The following TRAPPC9 variants were observed in gnomAD, a reference collection of about 807,000 sequenced individuals.
TRAPPC9 encodes trafficking protein particle complex subunit 9, also known as IKK2 binding protein.
In TRAPPC9, 83 loss-of-function variants were observed where a neutral mutation model predicts 124.0. The ratio of observed to expected loss-of-function variants is 0.67; its 90% CI spans 0.56 to 0.80. The LOEUF is 0.80. TRAPPC9 is among the 30% of genes least tolerant of loss of function. TRAPPC9 has a pLI of 0.00. For missense variants in TRAPPC9, 1,302 were observed against 1,508.3 expected, an observed-to-expected ratio of 0.86 and a Z score of 2.27; for synonymous variants, 638 against 617.5, an observed-to-expected ratio of 1.03 and a Z score of -0.49.
intron 17 of TRAPPC9, among the ~76,000 whole-genome samples, chr8:140,043,800 G>A (rs1220032795): frequency 6.6e-6 from 1 of 152,192 alleles, no homozygotes; most frequent in Non-Finnish European, 1.5e-5. Context: ...GAAATGGGGC[G>A]ATACAGGCAA....
intron 21 of TRAPPC9, among the ~76,000 whole-genome samples, chr8:139,773,210 G>C (rs577688711): frequency 2.6e-5 from 4 of 152,248 alleles, no homozygotes; most frequent in Admixed American, 2.6e-4. Flanking sequence ...GACGCCTGGC[G>C]CGCCCAGGTC....
At chr8:139,919,884 C>CA (rs1832402111) in intron 19 of TRAPPC9, among the ~76,000 whole-genome samples, 1 of 152,226 alleles carries the variant, frequency 6.6e-6, no homozygotes, top group Non-Finnish European at 1.5e-5. Context: ...ATGACCCGCT[C>CA]AGACTCCAGG....
intron 7 of TRAPPC9, among the ~76,000 whole-genome samples, chr8:140,387,965 G>A (rs2132328122): frequency 6.6e-6 from 1 of 152,086 alleles, no homozygotes; most frequent in East Asian, 1.9e-4. Context: ...CAGAGACTCG[G>A]AACCAACCCA....
chr8:139,821,207 G>C (rs1825228592), intron 21 of TRAPPC9, among the ~76,000 whole-genome samples: 1 of 152,218 alleles, frequency 6.6e-6, no homozygotes, highest in African/African-American at 2.4e-5. Flanking sequence ...CATGATCAAA[G>C]AAACACATGA....
chr8:140,076,547 C>T (rs1843522191), intron 17 of TRAPPC9, among the ~76,000 whole-genome samples: 1 of 152,244 alleles, frequency 6.6e-6, no homozygotes, highest in Non-Finnish European at 1.5e-5. Flanking sequence ...TGTCCATCCG[C>T]ATTCCACGCT....
chr8:139,813,160 A>C (rs1461505510), intron 21 of TRAPPC9, among the ~76,000 whole-genome samples: 1 of 152,236 alleles, frequency 6.6e-6, no homozygotes, highest in African/African-American at 2.4e-5. Flanking sequence ...GGCGTGCCCC[A>C]GCAGGTAGAA....
chr8:139,919,476 TG>T (rs1832373028), intron 19 of TRAPPC9, among the ~76,000 whole-genome samples: 1 of 152,152 alleles, frequency 6.6e-6, no homozygotes, highest in South Asian at 2.1e-4. Flanking sequence ...ACACTTCAAA[TG>T]GGTAAATTGC....
chr8:139,903,108 G>A (rs1831123612), intron 20 of TRAPPC9, among the ~76,000 whole-genome samples: 1 of 152,206 alleles, frequency 6.6e-6, no homozygotes, highest in African/African-American at 2.4e-5. Flanking sequence ...GAAGGCAGCT[G>A]TTTGAGGACA....
intron 21 of TRAPPC9, among the ~76,000 whole-genome samples, chr8:139,871,749 T>C (rs929477999): frequency 5.3e-5 from 8 of 152,190 alleles, no homozygotes; most frequent in African/African-American, 7.2e-5. Context: ...AGGTGTTCAA[T>C]AGCAATTTGC....
intron 9 of TRAPPC9, among the ~76,000 whole-genome samples, chr8:140,348,428 G>A (rs1198700271): frequency 6.6e-6 from 1 of 152,096 alleles, no homozygotes; most frequent in Non-Finnish European, 1.5e-5. Context: ...CACTCAATTA[G>A]CAGCCCTGCT....
In TRAPPC9 at chr8:140,216,349, C is replaced by T. The variant is rs2063193918; in HGVS notation, c.2556+5110G>A. On this transcript the variant is annotated intron_variant, in intron 17 of 22. Coordinates refer to ENST00000438773, the MANE Select transcript of TRAPPC9 (RefSeq NM_001160372.4). The surrounding 1 kb of genome is among the most constrained non-coding windows in gnomAD (Gnocchi z 4.1). The stretch of plus-strand genomic sequence containing the variant: ...TCCAAAGAAAAACAGCACATTCACC[C>T]TTGCAACACTCAATTGAAGAAAACA... 6.6e-6 allele frequency among the ~76,000 whole-genome samples: 1 copy of T among 152,138 alleles called. No homozygotes were observed. The highest frequency in any genetic ancestry group is 6.5e-5 in the Admixed American group (1 of 15,270).
chr8:140,306,758 C>G (rs1389853316), intron 10 of TRAPPC9, among the ~76,000 whole-genome samples: 1 of 152,184 alleles, frequency 6.6e-6, no homozygotes, highest in Non-Finnish European at 1.5e-5. Flanking sequence ...ACATGCAGTT[C>G]ATAAAGCGTG....
chr8:139,791,748 G>C (rs976004833), intron 21 of TRAPPC9, among the ~76,000 whole-genome samples: 5 of 152,236 alleles, frequency 3.3e-5, no homozygotes, highest in Non-Finnish European at 7.3e-5. Context: ...GGCAGCCCTG[G>C]CTCTGTCCTC....
chr8:139,752,610 T>C (rs1819398409), intron 21 of TRAPPC9, among the ~76,000 whole-genome samples: 1 of 148,044 alleles, frequency 6.8e-6, no homozygotes, highest in Non-Finnish European at 1.5e-5. Flanking sequence ...CACACATCCA[T>C]CTACTGTCCA....
At chr8:140,223,567 G>A (rs2131334067) in intron 16 of TRAPPC9, among the ~76,000 whole-genome samples, 1 of 152,274 alleles carries the variant, frequency 6.6e-6, no homozygotes, top group East Asian at 1.9e-4. Context: ...ACCCATCTAA[G>A]TAACTTCTTA....
rs116236535 is a variant in TRAPPC9 at position 140,208,549 on chromosome 8, C to T, written c.2556+12910G>A. On this transcript the variant is annotated intron_variant, in intron 17 of 22. Transcript: ENST00000438773. ...ACGCAGATGCCACTGCCTTAAGTTG[C>T]TGGCATGATCAGATGTAGCAGCCTA... Among the ~76,000 whole-genome samples the T allele has an allele frequency of 5.4e-3, 820 of 152,360 alleles. 5 individuals are homozygous for T. The highest frequency in any genetic ancestry group is 0.018 in the African/African-American group (745 of 41,588).
At chr8:140,161,749 C>T (rs2061755152) in intron 17 of TRAPPC9, among the ~76,000 whole-genome samples, 1 of 151,938 alleles carries the variant, frequency 6.6e-6, no homozygotes, top group African/African-American at 2.4e-5. Flanking sequence ...CACAGGGCCA[C>T]AAGAGAGGCA....
At chr8:140,272,327 A>G (rs2131625438) in intron 15 of TRAPPC9, among the ~76,000 whole-genome samples, 1 of 138,408 alleles carries the variant, frequency 7.2e-6, no homozygotes, top group South Asian at 2.4e-4. Flanking sequence ...TATAGTGGTG[A>G]TGGTGGTTTT....
intron 7 of TRAPPC9, among the ~76,000 whole-genome samples, chr8:140,394,389 T>G (rs2069026252): frequency 6.6e-6 from 1 of 152,196 alleles, no homozygotes; most frequent in Non-Finnish European, 1.5e-5. Flanking sequence ...GGGGCAGGCA[T>G]CAAGACAGTA....
Sources: allele counts gnomAD v4.1 joint callset (sites outside exome capture counted in the v4.1 genomes callset), GRCh38; gene constraint gnomAD v4.1.1; non-coding constraint Gnocchi (gnomAD v3.1); transcripts MANE v1.5; gene names NCBI Gene and HGNC (gene_info 2026-07-23, HGNC 2026-07-21).